The following HDAC4 variants were observed in gnomAD, a reference collection of about 807,000 sequenced individuals.
HDAC4 encodes the protein histone deacetylase 4.
HDAC4 carries 16 observed loss-of-function variants against 135.1 expected under a neutral mutation model. That is an observed-to-expected ratio of 0.12 (90% CI 0.08 to 0.18). The LOEUF is 0.18. HDAC4 is among the 10% of genes least tolerant of loss of function. The probability of loss-of-function intolerance (pLI) is 1.00; values close to 1 mark genes in which losing one functional copy is unlikely to be tolerated. For synonymous variants in HDAC4, 685 were observed against 653.4 expected (o/e 1.05, Z -0.74); for missense variants, 1,143 against 1,511.8 (o/e 0.76, Z 4.05).
chr2:239,372,592 T>TA (rs1381187988), intron 1 of HDAC4, among the ~76,000 whole-genome samples: 1 of 152,202 alleles, frequency 6.6e-6, no homozygotes, highest in Non-Finnish European at 1.5e-5. Flanking sequence ...GGCCTCCCGG[T>TA]ACACCAGGAG....
chr2:239,304,348 G>A (rs754334771), intron 2 of HDAC4, among the ~76,000 whole-genome samples: 21 of 152,172 alleles, frequency 1.4e-4, no homozygotes, highest in Non-Finnish European at 1.5e-4. Context: ...GAGATAAGCC[G>A]TGTAAACACC....
At chr2:239,401,249 C>A (rs1696976275), upstream of HDAC4, among the ~76,000 whole-genome samples, 1 of 152,062 alleles carries the variant, frequency 6.6e-6, no homozygotes. Context: ...CTGCGCACAG[C>A]CCGTCTGCTC....
intron 3 of HDAC4, among the ~76,000 whole-genome samples, chr2:239,225,518 AG>A (rs761298891): frequency 1.3e-5 from 2 of 152,278 alleles, no homozygotes; most frequent in East Asian, 3.9e-4. Context: ...CCCCCACCCC[AG>A]GGGGGGATGA....
intron 24 of HDAC4, among the ~76,000 whole-genome samples, chr2:239,059,731 A>C (rs1574856260): frequency 6.6e-6 from 1 of 152,138 alleles, no homozygotes; most frequent in Non-Finnish European, 1.5e-5. Context: ...TCCTGATCCT[A>C]CCTCCACTCC....
chr2:239,112,256 T>G (rs1347633607), intron 13 of HDAC4, among the ~76,000 whole-genome samples: 1 of 152,150 alleles, frequency 6.6e-6, no homozygotes. Context: ...ATACGGTGAG[T>G]GGGCACGAAG....
chr2:239,199,641 T>C (rs915904072), intron 3 of HDAC4, among the ~76,000 whole-genome samples: 3 of 152,122 alleles, frequency 2.0e-5, no homozygotes, highest in African/African-American at 2.4e-5. Flanking sequence ...AGGAGCCCCG[T>C]GGTTGGATCG....
chr2:239,095,744 C>T (rs1043956237), intron 16 of HDAC4, among the ~76,000 whole-genome samples: 52 of 152,200 alleles, frequency 3.4e-4, no homozygotes, highest in African/African-American at 1.2e-3. Context: ...GACAGGGGTG[C>T]TGTCTTTTTC....
At chr2:239,184,632 G>A (rs1320162885) in intron 4 of HDAC4, among the ~76,000 whole-genome samples, 2 of 142,304 alleles carry the variant, frequency 1.4e-5, no homozygotes, top group African/African-American at 2.6e-5. Flanking sequence ...CCTATGATGG[G>A]GGGTCCCTCA....
chr2:239,325,251 T>C (rs2053435859), intron 2 of HDAC4, among the ~76,000 whole-genome samples: 6 of 152,118 alleles, frequency 3.9e-5, no homozygotes, highest in Admixed American at 3.9e-4. Flanking sequence ...TTCATCAAAA[T>C]GAAAAACTTC....
intron 3 of HDAC4, among the ~76,000 whole-genome samples, chr2:239,222,550 A>AG (rs2047018402): frequency 6.6e-6 from 1 of 151,718 alleles, no homozygotes; most frequent in Admixed American, 6.6e-5. Flanking sequence ...AAAAAAAAAA[A>AG]AAAATGGTGA....
chr2:239,391,458 G>A (rs1157313878), intron 1 of HDAC4, among the ~76,000 whole-genome samples: 5 of 152,246 alleles, frequency 3.3e-5, no homozygotes, highest in Middle Eastern at 3.4e-3. Context: ...AGCAGGCCCC[G>A]GGCAGGGGAC....
At position 239,308,162 on chromosome 2, in the gene HDAC4, G is replaced by A. The variant is rs550669330; in HGVS notation, c.22+44516C>T. On this transcript the variant is annotated intron_variant, in intron 2 of 26. Transcript: ENST00000543185. This position sits in a 1 kb window ranked among gnomAD's most constrained non-coding sequence, Gnocchi z 4.2. ...TCCCTGGGCCCCAGCTTCCTCATCTGTGAGATGGGGGTGGTCAGCGTGCAG... is the reference window on the plus strand; with the variant it reads ...TCCCTGGGCCCCAGCTTCCTCATCTATGAGATGGGGGTGGTCAGCGTGCAG... Among the ~76,000 whole-genome samples, 179 of 152,286 alleles carry A rather than the reference G, an allele frequency of 1.2e-3. 1 individual carries two copies. The highest frequency in any genetic ancestry group is 4.2e-3 in the African/African-American group (176 of 41,562).
intron 3 of HDAC4, among the ~76,000 whole-genome samples, chr2:239,194,113 T>C (rs2045201398): frequency 6.6e-6 from 1 of 152,122 alleles, no homozygotes; most frequent in Non-Finnish European, 1.5e-5. Flanking sequence ...CCAGCATTCA[T>C]CATTGAGCGT....
chr2:239,241,580 C>A (rs1280654614), intron 2 of HDAC4, among the ~76,000 whole-genome samples: 1 of 152,196 alleles, frequency 6.6e-6, no homozygotes, highest in African/African-American at 2.4e-5. Flanking sequence ...GGTCCTATTT[C>A]TCAATCTTTC....
intron 2 of HDAC4, among the ~76,000 whole-genome samples, chr2:239,332,735 AATTT>A (rs1691667513): frequency 6.6e-6 from 1 of 151,978 alleles, no homozygotes; most frequent in Non-Finnish European, 1.5e-5. Context: ...TAAGAACAGA[AATTT>A]ATTTTTTTAA....
chr2:239,304,669 C>T (rs1162833895), intron 2 of HDAC4, among the ~76,000 whole-genome samples: 1 of 152,146 alleles, frequency 6.6e-6, no homozygotes, highest in Non-Finnish European at 1.5e-5. Flanking sequence ...GTCCTGCCCT[C>T]GGCTCCTGGG....
chr2:239,324,850 G>A (rs564208143), intron 2 of HDAC4, among the ~76,000 whole-genome samples: 166 of 152,218 alleles, frequency 1.1e-3, no homozygotes, highest in Admixed American at 3.6e-3. Context: ...TATGGCTGCA[G>A]CGCCCTGGCT....
intron 17 of HDAC4, among the ~76,000 whole-genome samples, chr2:239,092,819 G>A (rs1574993460): frequency 2.6e-5 from 4 of 152,332 alleles, no homozygotes; most frequent in Admixed American, 2.6e-4. Flanking sequence ...AATGCAGGAA[G>A]GAGCAAATGG....
rs1043249085 is a variant in HDAC4, at chr2:239,049,435, C to G, written c.*3662G>C. On this transcript the variant is annotated 3_prime_UTR_variant, in exon 27 of 27. Coordinates refer to ENST00000543185, the MANE Select transcript of HDAC4 (RefSeq NM_001378414.1). ...CCGGTCGTACAGTCCATGCAACCTC[C>G]AGGTGTAGGAAACTTAAAAAAATAT... The G allele has an allele frequency of 1.3e-5, 2 of 152,224 alleles. No individual in the cohort carries two copies. The highest frequency in any genetic ancestry group is 2.9e-5 in the Non-Finnish European group (2 of 68,000). 9.4% of individuals were successfully genotyped at this position (152,224 alleles called of 1,614,324 possible). A position where few individuals can be genotyped will look rare whatever the true frequency, so the allele number is the denominator to read the frequency against.
Sources: allele counts gnomAD v4.1 joint callset (sites outside exome capture counted in the v4.1 genomes callset), GRCh38; gene constraint gnomAD v4.1.1; non-coding constraint Gnocchi (gnomAD v3.1); transcripts MANE v1.5; gene names NCBI Gene and HGNC (gene_info 2026-07-23, HGNC 2026-07-21).